The following MAGI2 variants were observed in gnomAD, a reference collection of about 807,000 sequenced individuals.
The protein encoded by MAGI2 is membrane associated guanylate kinase, WW and PDZ domain containing 2, also known as membrane-associated guanylate kinase, WW and PDZ domain-containing protein 2.
Under a neutral mutation model 133.3 loss-of-function variants are expected in MAGI2, and 35 were observed. The observed-to-expected ratio is 0.26, with a 90% CI of 0.20 to 0.35. MAGI2 has a LOEUF of 0.35. Among genes scored for constraint, MAGI2 ranks in the 10% least tolerant of loss-of-function variants. The pLI is 1.00. For synonymous variants in MAGI2, 729 were observed against 710.6 expected (o/e 1.03, Z -0.41); for missense variants, 1,636 against 1,863.4 (o/e 0.88, Z 2.25).
chr7:78,054,435 A>C (rs144925358), intron 21 of MAGI2, among the ~76,000 whole-genome samples: 1 of 151,142 alleles, frequency 6.6e-6, no homozygotes, highest in Non-Finnish European at 1.5e-5. Context: ...AAAGGGATAT[A>C]ATTTTTATTC....
intron 2 of MAGI2, among the ~76,000 whole-genome samples, chr7:78,670,514 T>C (rs1814242795): frequency 6.6e-6 from 1 of 152,188 alleles, no homozygotes; most frequent in South Asian, 2.1e-4. Flanking sequence ...ATTTATAGAT[T>C]CAATGCCATC....
intron 2 of MAGI2, among the ~76,000 whole-genome samples, chr7:78,913,245 G>A (rs1218890505): frequency 2.0e-5 from 3 of 152,092 alleles, no homozygotes; most frequent in East Asian, 1.9e-4. Flanking sequence ...GGAGGTGATT[G>A]GAGCATGGGA....
At chr7:79,113,754 C>T (rs191766580) in intron 1 of MAGI2, among the ~76,000 whole-genome samples, 11 of 151,698 alleles carry the variant, frequency 7.3e-5, no homozygotes, top group South Asian at 2.1e-4. Flanking sequence ...GTGAAGATTG[C>T]GTGTATTCTG....
At chr7:78,366,733 G>A (rs891316945) in intron 7 of MAGI2, among the ~76,000 whole-genome samples, 1 of 152,070 alleles carries the variant, frequency 6.6e-6, no homozygotes, top group African/African-American at 2.4e-5. Context: ...TAAATATTGG[G>A]ATAATATTCT....
chr7:78,140,776 G>A (rs1822663202), intron 16 of MAGI2, among the ~76,000 whole-genome samples: 1 of 152,188 alleles, frequency 6.6e-6, no homozygotes, highest in Non-Finnish European at 1.5e-5. Context: ...TTTCAGAATA[G>A]CATCTTCTTA....
At position 79,084,947 on chromosome 7, in the gene MAGI2, G is replaced by A. The variant is rs769408376; in HGVS notation, c.302-77741C>T. ...ATAAGACTCATCTGTTGATGTTATCGAGAACTCACATTGTTTGTATGTGAT... is the reference window on the plus strand; with the variant it reads ...ATAAGACTCATCTGTTGATGTTATCAAGAACTCACATTGTTTGTATGTGAT... On this transcript the variant is annotated intron_variant, in intron 1 of 21. Transcript: ENST00000354212. Among the ~76,000 whole-genome samples the A allele has an allele frequency of 3.0e-4, 46 of 151,616 alleles. 1 individual carries two copies. The highest frequency in any genetic ancestry group is 2.1e-4 in the South Asian group (1 of 4,820).
chr7:79,105,611 ACC>A (rs1818385209), intron 1 of MAGI2, among the ~76,000 whole-genome samples: 1 of 152,178 alleles, frequency 6.6e-6, no homozygotes, highest in African/African-American at 2.4e-5. Context: ...CCTCTGTCCT[ACC>A]ACCAGCTGTT....
intron 20 of MAGI2, among the ~76,000 whole-genome samples, chr7:78,112,547 G>A (rs1453150223): frequency 3.3e-5 from 5 of 152,242 alleles, no homozygotes. Context: ...CATATAGTCA[G>A]TTACCTGCGC....
At chr7:78,683,795 T>C (rs1253673406) in intron 2 of MAGI2, among the ~76,000 whole-genome samples, 1 of 152,162 alleles carries the variant, frequency 6.6e-6, no homozygotes, top group African/African-American at 2.4e-5. Context: ...GTGTCTTTGT[T>C]GGGGCTGTTA....
In MAGI2 at chr7:78,185,686, G is replaced by T; in HGVS notation, c.2270-16C>A. On this transcript the variant is annotated splice_polypyrimidine_tract_variant and intron_variant, in intron 12 of 21. Coordinates refer to ENST00000354212, the MANE Select transcript of MAGI2 (RefSeq NM_012301.4). ...GGCACTTGTTCTGGATGGGAAAATG[G>T]GGAATTAAAGTTGAAATTCATTTAT... 6.5e-7 allele frequency: 1 copy of T among 1,550,124 alleles called. No individual in the cohort carries two copies. The highest frequency in any genetic ancestry group is 8.8e-7 in the Non-Finnish European group (1 of 1,140,236).
intron 10 of MAGI2, among the ~76,000 whole-genome samples, chr7:78,238,707 T>G (rs1790815130): frequency 6.6e-6 from 1 of 152,130 alleles, no homozygotes; most frequent in South Asian, 2.1e-4. Context: ...GGAAGCCAGC[T>G]TGCCTGCCTG....
intron 3 of MAGI2, among the ~76,000 whole-genome samples, chr7:78,556,918 C>A (rs1389606677): frequency 9.4e-6 from 1 of 105,906 alleles, no homozygotes; most frequent in African/African-American, 3.7e-5. Context: ...GAAACCCCGT[C>A]TCTACTAAAA....
At chr7:78,440,573 CAACA>C (rs1459215860) in intron 6 of MAGI2, among the ~76,000 whole-genome samples, 1 of 152,046 alleles carries the variant, frequency 6.6e-6, no homozygotes, top group Non-Finnish European at 1.5e-5. Flanking sequence ...AAACAGGTAT[CAACA>C]AACAAATACA....
At chr7:78,679,224 A>T (rs935156611) in intron 2 of MAGI2, among the ~76,000 whole-genome samples, 2 of 152,036 alleles carry the variant, frequency 1.3e-5, no homozygotes, top group Non-Finnish European at 2.9e-5. Context: ...AGAGTGAGGC[A>T]TCCCTACATC....
chr7:78,606,603 A>G (rs1401592906), intron 3 of MAGI2, among the ~76,000 whole-genome samples: 1 of 152,084 alleles, frequency 6.6e-6, no homozygotes, highest in Non-Finnish European at 1.5e-5. Context: ...ATTTGTGTAT[A>G]TATTCTATAA....
At chr7:79,356,470 G>A (rs368202710) in intron 1 of MAGI2, among the ~76,000 whole-genome samples, 1 of 151,904 alleles carries the variant, frequency 6.6e-6, no homozygotes, top group Non-Finnish European at 1.5e-5. Flanking sequence ...ATTTAGAAAT[G>A]AAAAGCAAAA....
intron 2 of MAGI2, among the ~76,000 whole-genome samples, chr7:78,998,577 C>T (rs1806546424): frequency 6.6e-6 from 1 of 152,108 alleles, no homozygotes; most frequent in Admixed American, 6.6e-5. Context: ...TTGCTTCTTA[C>T]CATACTCTAG....
chr7:78,345,978 T>C lies in MAGI2; in HGVS notation c.1169A>G (p.His390Arg), dbSNP rs773749185. Residue 390 changes from histidine (H) to arginine (R), a missense_variant, in exon 8 of 22, where the codon CAT (histidine) becomes CGT (arginine). Physicochemically the swap from His to Arg is conservative, Grantham distance 29. This residue lies in a region of MAGI2 where 920 missense variants were observed against 1,093.5 expected (regional missense o/e 0.84). Transcript: ENST00000354212. The stretch of plus-strand genomic sequence containing the variant: ...TCCAAGTTCTGTGTGGGGCATGTTA[T>C]GTTGCTGTAGCTTCCTTTTTGCTTC... ...VLEAKRKLQQHNMPHTELGTK... is the reference protein window; with the variant it reads ...VLEAKRKLQQRNMPHTELGTK... 1.9e-6 allele frequency: 3 copies of C among 1,614,238 alleles called. No individual in the cohort carries two copies. The East Asian group carries it at 6.7e-5, about 36-fold the overall frequency.
chr7:78,572,774 T>C (rs1315973232), intron 3 of MAGI2, among the ~76,000 whole-genome samples: 1 of 151,816 alleles, frequency 6.6e-6, no homozygotes, highest in South Asian at 2.1e-4. Flanking sequence ...GCAATTCTCC[T>C]GCCTTAGCCA....
Sources: allele counts gnomAD v4.1 joint callset (sites outside exome capture counted in the v4.1 genomes callset), GRCh38; gene constraint gnomAD v4.1.1; regional missense constraint gnomAD v4.1.1; transcripts MANE v1.5; gene names NCBI Gene and HGNC (gene_info 2026-07-23, HGNC 2026-07-21).